MDGA2: variants seen among roughly 807,000 people sequenced by gnomAD.
MDGA2 encodes the protein MAM domain-containing glycosylphosphatidylinositol anchor protein 2.
In MDGA2, 40 loss-of-function variants were observed where a neutral mutation model predicts 117.8. The observed-to-expected ratio is 0.34, with a 90% CI of 0.26 to 0.44. MDGA2 has a LOEUF of 0.44. MDGA2 is among the 20% of genes least tolerant of loss of function. The pLI, the probability that MDGA2 is intolerant of heterozygous loss-of-function variation, is 1.00. For missense variants in MDGA2, 1,123 were observed against 1,250.6 expected, an observed-to-expected ratio of 0.90 and a Z score of 1.54; for synonymous variants, 452 against 439.0, an observed-to-expected ratio of 1.03 and a Z score of -0.37.
intron 9 of MDGA2, among the ~76,000 whole-genome samples, chr14:46,944,258 A>G (rs539433899): frequency 2.2e-4 from 33 of 152,200 alleles, no homozygotes; most frequent in South Asian, 1.7e-3. Flanking sequence ...ATAAATTGAC[A>G]GTATTTTCAA....
chr14:47,573,812 T>C (rs1169217259), intron 1 of MDGA2, among the ~76,000 whole-genome samples: 1 of 152,172 alleles, frequency 6.6e-6, no homozygotes, highest in Admixed American at 6.6e-5. Context: ...ACTCATGCAT[T>C]TGTTAACCTT....
intron 2 of MDGA2, among the ~76,000 whole-genome samples, chr14:47,219,696 TA>T (rs1461307035): frequency 5.9e-5 from 9 of 151,970 alleles, no homozygotes; most frequent in African/African-American, 2.2e-4. Flanking sequence ...TAGGTGGTTA[TA>T]AATTGACTCT....
At chr14:47,347,665 G>C (rs547525186) in intron 1 of MDGA2, among the ~76,000 whole-genome samples, 1 of 152,290 alleles carries the variant, frequency 6.6e-6, no homozygotes, top group South Asian at 2.1e-4. Flanking sequence ...ACACAGGATA[G>C]AGATATGGAA....
intron 2 of MDGA2, among the ~76,000 whole-genome samples, chr14:47,269,390 G>A (rs1888071904): frequency 1.3e-5 from 2 of 152,042 alleles, no homozygotes; most frequent in Non-Finnish European, 2.9e-5. Context: ...GACTAGACAG[G>A]ACAGTTTTCA....
At chr14:47,665,822 GC>G (rs1167179248) in intron 1 of MDGA2, among the ~76,000 whole-genome samples, 1 of 9,450 alleles carries the variant, frequency 1.1e-4, no homozygotes, top group East Asian at 7.6e-3. Flanking sequence ...CCTCCCCCCC[GC>G]CCCCGCCCCA....
intron 5 of MDGA2, among the ~76,000 whole-genome samples, chr14:47,126,002 A>G (rs1881884679): frequency 6.6e-6 from 1 of 152,040 alleles, no homozygotes. Flanking sequence ...GGTAACACAC[A>G]TAATATAAGA....
intron 6 of MDGA2, among the ~76,000 whole-genome samples, chr14:47,086,493 C>A (rs940094667): frequency 6.6e-6 from 1 of 152,010 alleles, no homozygotes; most frequent in Admixed American, 6.6e-5. Context: ...TGTAAAACCA[C>A]ATGCAATTCA....
chr14:47,528,895 T>C (rs1002244344), intron 1 of MDGA2, among the ~76,000 whole-genome samples: 5 of 152,166 alleles, frequency 3.3e-5, no homozygotes, highest in African/African-American at 1.2e-4. Context: ...ATATCTACTC[T>C]CAGGTACAAA....
chr14:47,449,852 TAA>T (rs1194459833), intron 1 of MDGA2, among the ~76,000 whole-genome samples: 7 of 152,150 alleles, frequency 4.6e-5, no homozygotes, highest in Admixed American at 1.3e-4. Flanking sequence ...ACTCGTCATT[TAA>T]AAAGAGTTGC....
intron 1 of MDGA2, among the ~76,000 whole-genome samples, chr14:47,305,882 C>T (rs936995424): frequency 6.6e-6 from 1 of 152,274 alleles, no homozygotes; most frequent in Non-Finnish European, 1.5e-5. Context: ...TAACAAGTTT[C>T]GCAAAGTCAG....
chr14:46,961,665 T>C (rs2899993), intron 8 of MDGA2, among the ~76,000 whole-genome samples: 42,375 of 149,874 alleles, frequency 0.28, 7,157 homozygotes, highest in African/African-American at 0.48. Context: ...TTTTTTGAGA[T>C]GGAGTCTCAC....
chr14:47,123,390 C>A (rs571879894), intron 5 of MDGA2, among the ~76,000 whole-genome samples: 21 of 152,064 alleles, frequency 1.4e-4, no homozygotes, highest in African/African-American at 5.1e-4. Context: ...AAAGTTGAAA[C>A]CTCTTAATGA....
chr14:46,930,750 G>A (rs1173164046), intron 9 of MDGA2, among the ~76,000 whole-genome samples: 1 of 151,918 alleles, frequency 6.6e-6, no homozygotes, highest in African/African-American at 2.4e-5. Flanking sequence ...TCCATGAAAT[G>A]ACCACATTAT....
intron 11 of MDGA2, among the ~76,000 whole-genome samples, chr14:46,878,026 A>ATGTGTAATATGT: frequency 6.6e-6 from 1 of 152,012 alleles, no homozygotes; most frequent in Admixed American, 6.6e-5. Flanking sequence ...TAAAATGAAT[A>ATGTGTAATATGT]GCTACATCAA....
intron 1 of MDGA2, among the ~76,000 whole-genome samples, chr14:47,515,695 T>C (rs1894736991): frequency 6.6e-6 from 1 of 152,062 alleles, no homozygotes; most frequent in Admixed American, 6.6e-5. Flanking sequence ...AAACATAAGT[T>C]ATCAGGTACC....
At chr14:47,398,163 A>C (rs1892055672) in intron 1 of MDGA2, among the ~76,000 whole-genome samples, 1 of 152,200 alleles carries the variant, frequency 6.6e-6, no homozygotes. Flanking sequence ...CCATGATACT[A>C]TACGGCTCTT....
At chr14:47,210,103 T>C (rs1769265019) in intron 3 of MDGA2, among the ~76,000 whole-genome samples, 1 of 152,174 alleles carries the variant, frequency 6.6e-6, no homozygotes, top group Non-Finnish European at 1.5e-5. Flanking sequence ...CACAGGTAAA[T>C]TGTACTTGTA....
intron 8 of MDGA2, among the ~76,000 whole-genome samples, chr14:47,016,286 C>A (rs913908490): frequency 4.0e-5 from 6 of 151,834 alleles, no homozygotes; most frequent in African/African-American, 1.2e-4. Flanking sequence ...AACAGTAAGT[C>A]CTTCATAACA....
intron 1 of MDGA2, among the ~76,000 whole-genome samples, chr14:47,434,347 C>A (rs1892856647): frequency 6.6e-6 from 1 of 152,010 alleles, no homozygotes; most frequent in African/African-American, 2.4e-5. Flanking sequence ...GTAATGTTAC[C>A]TTTAATTTAT....
Sources: gnomAD v4.1 joint callset for allele counts (sites outside exome capture counted in the v4.1 genomes callset) on GRCh38, gnomAD v4.1.1 for gene constraint, MANE v1.5 for transcripts, NCBI Gene and HGNC (gene_info 2026-07-23, HGNC 2026-07-21) for gene names.